Variants in NR5A1 observed in about 807,000 individuals in gnomAD.
NR5A1 encodes nuclear receptor subfamily 5 group A member 1.
In NR5A1, 6 loss-of-function variants were observed where a neutral mutation model predicts 42.7. The ratio of observed to expected loss-of-function variants is 0.14; its 90% confidence interval spans 0.08 to 0.28. The LOEUF is 0.28. Ranked by LOEUF, NR5A1 falls within the 10% of genes least tolerant of loss-of-function variation. The probability of loss-of-function intolerance (pLI) is 1.00; values close to 1 mark genes in which losing one functional copy is unlikely to be tolerated. For synonymous variants in NR5A1, 274 were observed against 277.5 expected, an observed-to-expected ratio of 0.99 and a Z score of 0.12; for missense variants, 442 against 626.4, an observed-to-expected ratio of 0.71 and a Z score of 3.14.
chr9:124,482,294 G>A lies in NR5A1; in HGVS notation c.*464C>T. 3.9e-6 allele frequency: 1 copy of A among 255,608 alleles called. No homozygotes were observed. 15.8% of individuals were successfully genotyped at this position (255,608 alleles called of 1,614,324 possible). On this transcript the variant is annotated 3_prime_UTR_variant, in exon 7 of 7. Transcript: ENST00000373588. ...AGGCTCTCCCTCCTGGTCTCTATGG[G>A]GGGAACACTGGAGACCCTCTCTCCT...
intron 1 of NR5A1, among the ~76,000 whole-genome samples, chr9:124,504,733 C>G (rs1832525261): frequency 6.8e-6 from 1 of 146,836 alleles, no homozygotes; most frequent in African/African-American, 2.4e-5. Flanking sequence ...GGAGCCCGCA[C>G]CTCTCGGCCG....
intron 4 of NR5A1, among the ~76,000 whole-genome samples, chr9:124,495,537 G>A (rs1832378611): frequency 6.6e-6 from 1 of 152,202 alleles, no homozygotes. Flanking sequence ...GGAAGGAGGG[G>A]CCTGCCCAGG....
At chr9:124,502,534 G>A (rs1249208426) in intron 3 of NR5A1, among the ~76,000 whole-genome samples, 1 of 152,166 alleles carries the variant, frequency 6.6e-6, no homozygotes, top group Non-Finnish European at 1.5e-5. Context: ...TCTCCATGTT[G>A]CCCAGGCTGG....
Position 124,493,147 on chromosome 9 carries a change from C to A in NR5A1, c.873G>T (p.Val291=). ...TCTGCAGCAGCGTCATCTGGTCGGCCACCTGGAAGGAAGAGGCACGCGGGG... is the reference window on the plus strand; with the variant it reads ...TCTGCAGCAGCGTCATCTGGTCGGCAACCTGGAAGGAAGAGGCACGCGGGG... The part of the protein sequence containing the change: ...RRCMVFKELE[V]ADQMTLLQNC... The change falls in exon 5 of 7, where the codon GTG becomes GTT. Residue 291 remains valine (V), a splice_region_variant and synonymous_variant. Coordinates refer to ENST00000373588, the MANE Select transcript of NR5A1 (RefSeq NM_004959.5). 1 of 1,610,868 alleles carries A rather than the reference C, an allele frequency of 6.2e-7. No individual in the cohort carries two copies. The highest frequency in any genetic ancestry group is 8.5e-7 in the Non-Finnish European group (1 of 1,178,608).
In NR5A1 at chr9:124,491,112, G is replaced by A; in HGVS notation, c.1107C>T (p.Val369=). ...LALQLDRQEF[V]CLKFIILFSL... Reference sequence around the variant, plus strand: ...TGAAGAGGATGATGAACTTGAGGCAGACAAACTCCTGCCGGTCCAGCTGCA... The same window carrying A: ...TGAAGAGGATGATGAACTTGAGGCAAACAAACTCCTGCCGGTCCAGCTGCA... Residue 369 remains valine (V), a synonymous_variant, in exon 6 of 7, where the codon GTC becomes GTT. Coordinates refer to ENST00000373588, the MANE Select transcript of NR5A1 (RefSeq NM_004959.5). 1 of 1,604,134 alleles carries A rather than the reference G, an allele frequency of 6.2e-7. No homozygotes were observed. The highest frequency in any genetic ancestry group is 8.5e-7 in the Non-Finnish European group (1 of 1,175,866).
rs984759047 is a variant in NR5A1 at position 124,501,052 on chromosome 9, C to T, written c.245-337G>A. 8.5e-6 allele frequency: 5 copies of T among 590,352 alleles called. No individual in the cohort carries two copies. Among genetic ancestry groups the T allele is most frequent in the South Asian group, 1.5e-5 (1 of 65,648 alleles). The allele number at this position is 590,352 out of a possible 1,614,324, so 36.6% of individuals were successfully genotyped here. On this transcript the variant is annotated intron_variant, in intron 3 of 6. Coordinates refer to ENST00000373588, the MANE Select transcript of NR5A1 (RefSeq NM_004959.5). The surrounding 1 kb of genome is among the most constrained non-coding windows in gnomAD (Gnocchi z 4.1). ...CTCTTGTGCTTGCTGAACACCCAGC[C>T]TCAATGTCACTACTTCCAGGAAGCA...
intron 1 of NR5A1, among the ~76,000 whole-genome samples, chr9:124,505,646 A>G (rs1362551285): frequency 6.6e-6 from 1 of 152,090 alleles, no homozygotes; most frequent in Non-Finnish European, 1.5e-5. Flanking sequence ...CTGGGCTGGA[A>G]ATGGGACTCG....
intron 6 of NR5A1, among the ~76,000 whole-genome samples, chr9:124,485,923 A>T (rs1174815206): frequency 6.6e-6 from 1 of 151,916 alleles, no homozygotes; most frequent in Admixed American, 6.6e-5. Context: ...CCGGAGGGGG[A>T]CAGGGACCAG....
chr9:124,502,656 G>A (rs893678663), intron 3 of NR5A1, among the ~76,000 whole-genome samples: 1 of 152,240 alleles, frequency 6.6e-6, no homozygotes, highest in Non-Finnish European at 1.5e-5. Context: ...GGAAATCTGC[G>A]GTTTAGAGAG....
At position 124,503,579 on chromosome 9, in the gene NR5A1, C is replaced by T. The variant is rs75940898; in HGVS notation, c.-15-169G>A. On this transcript the variant is annotated intron_variant, in intron 1 of 6. Transcript: ENST00000373588. The surrounding 1 kb of genome is among the most constrained non-coding windows in gnomAD (Gnocchi z 9.6). ...CCCGCGCAGCGTCCCGGGGTGGGTC[C>T]GGTGCAGTCCCCGCGCCCGGCCTTC... Among the ~76,000 whole-genome samples the T allele has an allele frequency of 1.3e-3, 201 of 152,060 alleles. 3 individuals are homozygous for T. In the East Asian group the frequency reaches 0.027, roughly 21 times the overall value.
In NR5A1 at chr9:124,482,726, C is replaced by G. The variant is rs1401821269; in HGVS notation, c.*32G>C. 1 of 1,372,114 alleles carries G rather than the reference C, an allele frequency of 7.3e-7. No individual in the cohort carries two copies. Among genetic ancestry groups the G allele is most frequent in the Non-Finnish European group, 9.9e-7 (1 of 1,005,832 alleles). The allele number at this position is 1,372,114 out of a possible 1,614,324, so 85.0% of individuals were successfully genotyped here. On this transcript the variant is annotated 3_prime_UTR_variant, in exon 7 of 7. Transcript: ENST00000373588. ...CGCCCAGGCCCCGCCCCCAGTCCCG[C>G]CCCCAGTCCCGGCCCCGCCCCCGGC...
rs939181612 is a variant in NR5A1 at position 124,481,649 on chromosome 9, T to A, written c.*1109A>T. The A allele has an allele frequency of 3.9e-5, 6 of 152,164 alleles. No individual in the cohort carries two copies. The highest frequency in any genetic ancestry group is 1.4e-4 in the African/African-American group (6 of 41,406). 9.4% of individuals were successfully genotyped at this position (152,164 alleles called of 1,614,324 possible). On this transcript the variant is annotated 3_prime_UTR_variant, in exon 7 of 7. Coordinates refer to ENST00000373588, the MANE Select transcript of NR5A1 (RefSeq NM_004959.5). ...CACAGAGAGGGGATCAACAGCGCTA[T>A]CCCTGATCTACAGGCCCGTGCCCCC...
rs1231443681 is a variant in NR5A1 at position 124,503,043 on chromosome 9, T to G, written c.244+36A>C. On this transcript the variant is annotated intron_variant, in intron 3 of 6. Transcript: ENST00000373588. The surrounding 1 kb of genome is among the most constrained non-coding windows in gnomAD (Gnocchi z 9.6). Reference sequence around the variant, plus strand: ...CCCCACCCCCTACCCCCTCAGGCTGTGGGGGGTCAGGGGTCGAGGCCCGCG... The same window carrying G: ...CCCCACCCCCTACCCCCTCAGGCTGGGGGGGGTCAGGGGTCGAGGCCCGCG... The G allele has an allele frequency of 1.3e-6, 2 of 1,542,510 alleles. No individual in the cohort carries two copies. Among genetic ancestry groups the G allele is most frequent in the Non-Finnish European group, 1.7e-6 (2 of 1,148,538 alleles).
In NR5A1 at chr9:124,482,395, G is replaced by A. The variant is rs933018728; in HGVS notation, c.*363C>T. ...GGAAGGGATGACCTCTGATCCAAGG[G>A]ACGTCGAGGCCCACCAGGGAATCCC... is the stretch of plus-strand genomic sequence containing the variant. On this transcript the variant is annotated 3_prime_UTR_variant, in exon 7 of 7. Coordinates refer to ENST00000373588, the MANE Select transcript of NR5A1 (RefSeq NM_004959.5). The A allele has an allele frequency of 5.5e-6, 2 of 361,574 alleles. No homozygotes were observed. The highest frequency in any genetic ancestry group is 4.6e-5 in the South Asian group (2 of 43,472). 22.4% of individuals were successfully genotyped at this position (361,574 alleles called of 1,614,324 possible). A position where few individuals can be genotyped will look rare whatever the true frequency, so the allele number is the denominator to read the frequency against.
chr9:124,505,012 C>G (rs1046639304), intron 1 of NR5A1, among the ~76,000 whole-genome samples: 43 of 151,894 alleles, frequency 2.8e-4, no homozygotes, highest in African/African-American at 9.9e-4. Context: ...GGGGGCCGGC[C>G]CCTCTATATC....
intron 6 of NR5A1, among the ~76,000 whole-genome samples, chr9:124,488,423 C>T (rs942987574): frequency 6.6e-6 from 1 of 152,198 alleles, no homozygotes; most frequent in Non-Finnish European, 1.5e-5. Context: ...GGTTCCTGGC[C>T]TGCTGGGCTC....
At chr9:124,504,485 A>C (rs1279149994) in intron 1 of NR5A1, among the ~76,000 whole-genome samples, 1 of 151,884 alleles carries the variant, frequency 6.6e-6, no homozygotes, top group Non-Finnish European at 1.5e-5. Context: ...CGGGAGGCGC[A>C]GCCCGAGCCG....
chr9:124,482,733 T>G lies in NR5A1; in HGVS notation c.*25A>C. The G allele has an allele frequency of 1.2e-5, 5 of 410,614 alleles. No homozygotes were observed. The highest frequency in any genetic ancestry group is 1.8e-5 in the Non-Finnish European group (5 of 273,786). The allele number at this position is 410,614 out of a possible 1,614,324, so 25.4% of individuals were successfully genotyped here. Reference sequence around the variant, plus strand: ...GCCCCGCCCCCAGTCCCGCCCCCAGTCCCGGCCCCGCCCCCGGCCCAGGCT... The same window carrying G: ...GCCCCGCCCCCAGTCCCGCCCCCAGGCCCGGCCCCGCCCCCGGCCCAGGCT... On this transcript the variant is annotated 3_prime_UTR_variant, in exon 7 of 7. Transcript: ENST00000373588.
rs1214260763 is a variant in NR5A1 at position 124,481,790 on chromosome 9, G to C, written c.*968C>G. Reference sequence around the variant, plus strand: ...AGCGCTTCTCTGGATTGGGGCTGGGGCTCAGAAGTAATGACCCAGCACCAC... The same window carrying C: ...AGCGCTTCTCTGGATTGGGGCTGGGCCTCAGAAGTAATGACCCAGCACCAC... On this transcript the variant is annotated 3_prime_UTR_variant, in exon 7 of 7. Transcript: ENST00000373588. 6.6e-6 allele frequency: 1 copy of C among 152,232 alleles called. No homozygotes were observed. Among genetic ancestry groups the C allele is most frequent in the East Asian group, 1.9e-4 (1 of 5,196 alleles). The allele number at this position is 152,232 out of a possible 1,614,324, so 9.4% of individuals were successfully genotyped here.
Sources: gnomAD v4.1 joint callset for allele counts (sites outside exome capture counted in the v4.1 genomes callset) on GRCh38, gnomAD v4.1.1 for gene constraint, Gnocchi (gnomAD v3.1) non-coding constraint, MANE v1.5 for transcripts, NCBI Gene and HGNC (gene_info 2026-07-23, HGNC 2026-07-21) for gene names.